The following SIRPG variants were observed in gnomAD, a reference collection of about 807,000 sequenced individuals.
The protein encoded by SIRPG is signal regulatory protein gamma, also known as signal-regulatory protein gamma.
SIRPG carries 38 observed loss-of-function variants against 35.7 expected under a neutral mutation model. The ratio of observed to expected loss-of-function variants is 1.06; its 90% CI spans 0.82 to 1.40. SIRPG has a LOEUF of 1.40. Ranked by LOEUF, SIRPG falls within the 40% of genes most tolerant of loss-of-function variation. The pLI, the probability that SIRPG is intolerant of heterozygous loss-of-function variation, is 0.00. For missense variants in SIRPG, 519 were observed against 483.0 expected, an observed-to-expected ratio of 1.07 and a Z score of -0.70; for synonymous variants, 215 against 190.4, an observed-to-expected ratio of 1.13 and a Z score of -1.06.
chr20:1,686,052 T>C, the SIRPG span, among the ~76,000 whole-genome samples: 3 of 152,214 alleles, frequency 2.0e-5, no homozygotes, highest in Non-Finnish European at 4.4e-5. Context: ...TGGTAAGGAT[T>C]TAAATAATGA....
intron 3 of SIRPG, among the ~76,000 whole-genome samples, chr20:1,635,975 C>G (rs911030835): frequency 2.6e-5 from 4 of 152,182 alleles, no homozygotes; most frequent in Non-Finnish European, 5.9e-5. Context: ...AAATGAAACT[C>G]TCTAGCGCAG....
the SIRPG span, among the ~76,000 whole-genome samples, chr20:1,676,051 G>A: frequency 6.6e-6 from 1 of 152,172 alleles, no homozygotes; most frequent in Admixed American, 6.5e-5. Flanking sequence ...CACTTCACTA[G>A]GAAGTAGCAG....
the SIRPG span, among the ~76,000 whole-genome samples, chr20:1,673,569 GA>G: frequency 6.6e-6 from 1 of 152,052 alleles, no homozygotes; most frequent in African/African-American, 2.4e-5. Flanking sequence ...AAGAGGAGCA[GA>G]AACACCGAGA....
the SIRPG span, chr20:1,666,309 A>T: frequency 3.3e-5 from 5 of 152,244 alleles, no homozygotes; most frequent in Admixed American, 2.6e-4. Context: ...TAAGGTTAAT[A>T]TATTATTGAA....
At chr20:1,675,154 G>T in the SIRPG span, among the ~76,000 whole-genome samples, 2 of 152,176 alleles carry the variant, frequency 1.3e-5, no homozygotes, top group African/African-American at 4.8e-5. Context: ...GGAAACTCTT[G>T]CTTACAGTGG....
chr20:1,663,407 C>T, the SIRPG span, among the ~76,000 whole-genome samples: 2 of 152,114 alleles, frequency 1.3e-5, no homozygotes, highest in East Asian at 3.9e-4. Context: ...CTGATTGGGA[C>T]CAGGAAGGAG....
At chr20:1,679,690 T>C in the SIRPG span, among the ~76,000 whole-genome samples, 1 of 152,150 alleles carries the variant, frequency 6.6e-6, no homozygotes, top group South Asian at 2.1e-4. Context: ...GAGTGTTCTT[T>C]ATAGACCCAA....
rs1227464790 is a variant in SIRPG, at chr20:1,649,320, A to T, written c.162T>A (p.Thr54=). 1.2e-6 allele frequency: 2 copies of T among 1,614,018 alleles called. No individual in the cohort carries two copies. ...GTCCCACGGGAAGCAGGGAGGTCAC[A>T]GTGCAGTGCAGAGTGGCTGTCTTTC... ...TVGKTATLHC[T]VTSLLPVGPV... Residue 54 remains threonine (T), a synonymous_variant, in exon 2 of 6, where the codon ACT becomes ACA. Coordinates refer to ENST00000303415, the MANE Select transcript of SIRPG (RefSeq NM_018556.4).
intron 2 of SIRPG, among the ~76,000 whole-genome samples, chr20:1,642,899 C>T (rs931228996): frequency 9.2e-5 from 14 of 152,156 alleles, no homozygotes; most frequent in African/African-American, 2.7e-4. Context: ...TATTGGCCCC[C>T]ACTCTCTCCT....
chr20:1,680,431 T>C, the SIRPG span, among the ~76,000 whole-genome samples: 3 of 152,218 alleles, frequency 2.0e-5, no homozygotes, highest in African/African-American at 7.2e-5. Flanking sequence ...GCTCACCTGA[T>C]ATGAAGCGCA....
intron 1 of SIRPG, among the ~76,000 whole-genome samples, chr20:1,654,472 G>GGGAAAGTT (rs1354279133): frequency 6.6e-6 from 1 of 152,160 alleles, no homozygotes; most frequent in African/African-American, 2.4e-5. Context: ...AAGTGGTGCT[G>GGGAAAGTT]GGAAAGTTGG....
At chr20:1,665,406 G>A in the SIRPG span, 97,384 of 154,570 alleles carry the variant, frequency 0.63, 31,213 homozygotes, top group East Asian at 0.86. Flanking sequence ...TAGAAATCAT[G>A]AGACTCCAGG....
chr20:1,630,285 G>T lies in SIRPG; in HGVS notation c.1103C>A (p.Ala368Glu), dbSNP rs35062363. 11 of 1,569,834 alleles carry T rather than the reference G, an allele frequency of 7.0e-6. No homozygotes were observed. The highest frequency in any genetic ancestry group is 8.6e-6 in the Non-Finnish European group (10 of 1,156,866). Residue 368 changes from alanine (A) to glutamate (E), a missense_variant, in exon 5 of 6, where the codon GCG becomes GAG. Transcript: ENST00000303415. ...CAGGAGGACAGCTATGAGGAGCAGC[G>T]CAGTAAGGGATGATGCCGGGCCTGG... Reference protein sequence around the residue: ...ATPGPASSLTALLLIAVLLGP... With the variant: ...ATPGPASSLTELLLIAVLLGP...
At chr20:1,679,394 C>T in the SIRPG span, among the ~76,000 whole-genome samples, 36,448 of 152,030 alleles carry the variant, frequency 0.24, 5,128 homozygotes, top group East Asian at 0.59. Flanking sequence ...TGCCACAATT[C>T]CCCTTTTTGT....
At chr20:1,644,578 T>C (rs1040289056) in intron 2 of SIRPG, among the ~76,000 whole-genome samples, 2 of 151,794 alleles carry the variant, frequency 1.3e-5, no homozygotes, top group African/African-American at 4.8e-5. Context: ...GCTGTGATCC[T>C]GGCCACCCCT....
chr20:1,671,740 A>G, the SIRPG span, among the ~76,000 whole-genome samples: 1 of 152,240 alleles, frequency 6.6e-6, no homozygotes, highest in African/African-American at 2.4e-5. Flanking sequence ...CTTATGGGAA[A>G]TAAAGGGATG....
the SIRPG span, among the ~76,000 whole-genome samples, chr20:1,669,165 C>T: frequency 1.2e-4 from 18 of 152,174 alleles, no homozygotes; most frequent in African/African-American, 1.7e-4. Context: ...ACAAATTTGC[C>T]GTACAGGCTG....
At chr20:1,639,295 T>C (rs1016073821) in intron 2 of SIRPG, among the ~76,000 whole-genome samples, 19 of 152,298 alleles carry the variant, frequency 1.2e-4, no homozygotes, top group Non-Finnish European at 2.4e-4. Context: ...GTTTCCTAAC[T>C]TTTTAATAAT....
chr20:1,662,827 T>G, the SIRPG span, among the ~76,000 whole-genome samples: 4 of 152,082 alleles, frequency 2.6e-5, no homozygotes, highest in African/African-American at 9.7e-5. Flanking sequence ...GGAGAAAAAC[T>G]GATCAGGATA....
Sources: allele counts gnomAD v4.1 joint callset (sites outside exome capture counted in the v4.1 genomes callset), GRCh38; gene constraint gnomAD v4.1.1; transcripts MANE v1.5; gene names NCBI Gene and HGNC (gene_info 2026-07-23, HGNC 2026-07-21).